GSDME: variants seen among roughly 807,000 people sequenced by gnomAD.
GSDME encodes gasdermin-E.
Under a neutral mutation model 47.5 loss-of-function variants are expected in GSDME, and 44 were observed. That is an observed-to-expected ratio of 0.93 (90% CI 0.73 to 1.19). GSDME has a LOEUF of 1.19. Among genes scored for constraint, GSDME ranks in the 50% most tolerant of loss-of-function variants. GSDME has a pLI of 0.00. For synonymous variants in GSDME, 258 were observed against 252.8 expected (o/e 1.02, Z -0.20); for missense variants, 663 against 604.2 (o/e 1.10, Z -1.02).
chr7:24,761,832 C>A (rs1167278114), upstream of GSDME, among the ~76,000 whole-genome samples: 1 of 152,178 alleles, frequency 6.6e-6, no homozygotes, highest in Non-Finnish European at 1.5e-5. The surrounding 1 kb of genome is among the most constrained non-coding windows in gnomAD (Gnocchi z 4.4). Flanking sequence ...TCTCTAAACA[C>A]CCAGAACGTA....
At chr7:24,779,342 G>C in the GSDME span, among the ~76,000 whole-genome samples, 1 of 152,188 alleles carries the variant, frequency 6.6e-6, no homozygotes. This position sits in a 1 kb window ranked among gnomAD's most constrained non-coding sequence, Gnocchi z 6.0. Context: ...ACTTATTCTT[G>C]AGAAGGAAAA....
chr7:24,783,881 G>C, the GSDME span, among the ~76,000 whole-genome samples: 2 of 152,100 alleles, frequency 1.3e-5, no homozygotes, highest in African/African-American at 4.8e-5. Flanking sequence ...TGGGTTGGGC[G>C]TGGGGAAGAT....
intron 3 of GSDME, 61 bp from the exon 4 acceptor site, chr7:24,719,279 A>G: frequency 1.3e-6 from 2 of 1,560,964 alleles, no homozygotes; most frequent in Non-Finnish European, 1.7e-6. Context: ...TGTAGTGTGA[A>G]TTTCCTCTTG....
intron 6 of GSDME, among the ~76,000 whole-genome samples, chr7:24,708,780 TTCTC>T (rs1272766165): frequency 2.6e-5 from 4 of 152,240 alleles, no homozygotes; most frequent in Admixed American, 6.5e-5. Flanking sequence ...CAGCTATTCT[TTCTC>T]TATCCTTTGC....
chr7:24,732,264 T>C lies in GSDME; in HGVS notation c.404+12298A>G, dbSNP rs1313786357. On this transcript the variant is annotated intron_variant, in intron 3 of 9. Transcript: ENST00000645220. The surrounding 1 kb of genome is among the most constrained non-coding windows in gnomAD (Gnocchi z 4.8). ...CCTCTGGTAGCCATTGGGAAATTGA[T>C]CAGGTAGGAAGGAAGCCCAGTTCAA... 6.6e-6 allele frequency among the ~76,000 whole-genome samples: 1 copy of C among 152,156 alleles called. No homozygotes were observed. The highest frequency in any genetic ancestry group is 2.4e-5 in the African/African-American group (1 of 41,424).
At chr7:24,747,587 A>C (rs1790706410) in intron 2 of GSDME, among the ~76,000 whole-genome samples, 1 of 152,232 alleles carries the variant, frequency 6.6e-6, no homozygotes, top group East Asian at 1.9e-4. Flanking sequence ...GTAATTCTCT[A>C]AGAATTTACG....
At position 24,717,261 on chromosome 7, in the gene GSDME, G is replaced by A. The variant is rs1416672136; in HGVS notation, c.690C>T (p.Gly230=). The A allele has an allele frequency of 1.9e-6, 3 of 1,573,278 alleles. No individual in the cohort carries two copies. In the African/African-American group the frequency reaches 4.2e-5, roughly 22 times the overall value. Residue 230 remains glycine (G), a synonymous_variant, in exon 5 of 10, where the codon GGC becomes GGT. Transcript: ENST00000645220. ...GVIELYVKLD[G]QFEFCLLRGK... ...ATAGGAGGTGGCACTCACCGAACTG[G>A]CCGTCCAGTTTCACGTATAACTCAA...
chr7:24,745,893 TATC>T lies in GSDME; in HGVS notation c.212-1142_212-1140del, dbSNP rs1259259401. ...AAATAATGATTTTAAAAATAGTCTC[TATC>T]ATCACCATTTGGTAAGGAGACATTA... is the stretch of plus-strand genomic sequence containing the variant. On this transcript the variant is annotated intron_variant, in intron 2 of 9. Coordinates refer to ENST00000645220, the MANE Select transcript of GSDME (RefSeq NM_001127453.2). The surrounding 1 kb of genome is among the most constrained non-coding windows in gnomAD (Gnocchi z 4.4). 3.9e-5 allele frequency among the ~76,000 whole-genome samples: 6 copies of T among 152,192 alleles called. No individual in the cohort carries two copies. The highest frequency in any genetic ancestry group is 1.4e-4 in the African/African-American group (6 of 41,454).
chr7:24,723,491 A>G (rs77546411), intron 3 of GSDME, among the ~76,000 whole-genome samples: 5,841 of 152,338 alleles, frequency 0.038, 158 homozygotes, highest in Non-Finnish European at 0.057. Context: ...CAATTTGTTT[A>G]CTGTATAACC....
In GSDME at chr7:24,699,020, A is replaced by G. The variant is rs768953528; in HGVS notation, c.*6T>C. 6.3e-7 allele frequency: 1 copy of G among 1,594,244 alleles called. No homozygotes were observed. The highest frequency in any genetic ancestry group is 1.1e-5 in the South Asian group (1 of 90,428). Reference sequence around the variant, plus strand: ...AGTAACACGTACTTCTAGTTCACATATGACATCATGAATGTTCTCTGCCTA... The same window carrying G: ...AGTAACACGTACTTCTAGTTCACATGTGACATCATGAATGTTCTCTGCCTA... On this transcript the variant is annotated 3_prime_UTR_variant, in exon 10 of 10. Transcript: ENST00000645220.
chr7:24,754,536 C>T lies in GSDME; in HGVS notation c.-20+2860G>A, dbSNP rs149067342. On this transcript the variant is annotated intron_variant, in intron 1 of 9. Transcript: ENST00000645220. The surrounding 1 kb of genome is among the most constrained non-coding windows in gnomAD (Gnocchi z 5.0). ...AGCAAACAGTCCTTAGTCTGGCTTC[C>T]CAGCTGAAAGCAGATGAGAACTAAA... is the stretch of plus-strand genomic sequence containing the variant. Among the ~76,000 whole-genome samples the T allele has an allele frequency of 0.011, 1,600 of 151,596 alleles. 15 individuals are homozygous for T. Among genetic ancestry groups the T allele is most frequent in the Non-Finnish European group, 0.016 (1,090 of 67,912 alleles).
intron 5 of GSDME, among the ~76,000 whole-genome samples, chr7:24,715,868 C>T (rs755686424): frequency 3.9e-5 from 6 of 152,300 alleles, no homozygotes; most frequent in Admixed American, 2.0e-4. Flanking sequence ...ATCATTTCAC[C>T]GCCCTAAAAT....
chr7:24,749,155 A>C (rs1790772791), intron 2 of GSDME, among the ~76,000 whole-genome samples: 1 of 152,202 alleles, frequency 6.6e-6, no homozygotes, highest in Admixed American at 6.5e-5. Context: ...ACAAGCAAAG[A>C]AACAGGAGAA....
At chr7:24,702,369 A>G (rs1189071588) in intron 9 of GSDME, 1 of 349,602 alleles carries the variant, frequency 2.9e-6, no homozygotes, top group Non-Finnish European at 5.6e-6. Flanking sequence ...TCCCTGGCAA[A>G]TCTGCTGCAG....
At chr7:24,730,596 C>G (rs1403740619) in intron 3 of GSDME, among the ~76,000 whole-genome samples, 1 of 152,102 alleles carries the variant, frequency 6.6e-6, no homozygotes, top group Admixed American at 6.5e-5. Context: ...ATGGGCAGAT[C>G]ACAAGGTCAG....
rs865905505 is a variant in GSDME at position 24,744,691 on chromosome 7, A to C, written c.275T>G (p.Leu92Arg). 1 of 1,614,144 alleles carries C rather than the reference A, an allele frequency of 6.2e-7. No individual in the cohort carries two copies. The highest frequency in any genetic ancestry group is 8.5e-7 in the Non-Finnish European group (1 of 1,180,016). The change falls in exon 3 of 10, where the codon CTG becomes CGG. Residue 92 changes from leucine to arginine, a missense_variant. By Grantham distance (102) the Leu-to-Arg change is moderately radical. Coordinates refer to ENST00000645220, the MANE Select transcript of GSDME (RefSeq NM_001127453.2). The surrounding 1 kb of genome is among the most constrained non-coding windows in gnomAD (Gnocchi z 4.5). ...GKFANHVSGT[L>R]ETALGKVKLN... ...CTTGACCTTCCCCAGTGCAGTCTCC[A>C]GGGTTCCACTCACGTGGTTTGCAAA...
intron 7 of GSDME, 69 bp downstream of exon 7, chr7:24,708,058 C>G: frequency 6.3e-7 from 1 of 1,595,064 alleles, no homozygotes; most frequent in Non-Finnish European, 8.6e-7. Flanking sequence ...AACACAATTC[C>G]ATCCTGCCTC....
At chr7:24,700,416 G>T (rs947950613) in intron 9 of GSDME, among the ~76,000 whole-genome samples, 15 of 152,038 alleles carry the variant, frequency 9.9e-5, no homozygotes, top group African/African-American at 3.4e-4. Context: ...AGGCATTCAA[G>T]ATCTGATTAA....
chr7:24,740,378 CT>C (rs1171233237), intron 3 of GSDME, among the ~76,000 whole-genome samples: 3 of 151,584 alleles, frequency 2.0e-5, no homozygotes, highest in African/African-American at 4.9e-5. Flanking sequence ...TATAACATAA[CT>C]TTAGGATACC....
Sources: allele counts gnomAD v4.1 joint callset (sites outside exome capture counted in the v4.1 genomes callset), GRCh38; gene constraint gnomAD v4.1.1; non-coding constraint Gnocchi (gnomAD v3.1); transcripts MANE v1.5; gene names NCBI Gene and HGNC (gene_info 2026-07-23, HGNC 2026-07-21).